PPARGC1A: variants seen among roughly 807,000 people sequenced by gnomAD.
PPARGC1A encodes peroxisome proliferator-activated receptor gamma coactivator 1-alpha.
In PPARGC1A, 25 loss-of-function variants were observed where a neutral mutation model predicts 88.7. That is an observed-to-expected ratio of 0.28 (90% CI 0.21 to 0.39). PPARGC1A has a LOEUF of 0.39. PPARGC1A is among the 10% of genes least tolerant of loss of function. The pLI is 1.00. For synonymous variants in PPARGC1A, 363 were observed against 355.6 expected, an observed-to-expected ratio of 1.02 and a Z score of -0.24; for missense variants, 880 against 968.7, an observed-to-expected ratio of 0.91 and a Z score of 1.22.
At chr4:24,345,284 A>C in the PPARGC1A span, among the ~76,000 whole-genome samples, 3 of 150,422 alleles carry the variant, frequency 2.0e-5, no homozygotes, top group Admixed American at 6.6e-5. Context: ...TTTTTTTTGT[A>C]ATTCTGTGAA....
At chr4:23,841,137 A>T (rs888272585) in intron 2 of PPARGC1A, among the ~76,000 whole-genome samples, 11 of 152,160 alleles carry the variant, frequency 7.2e-5, no homozygotes, top group Admixed American at 5.2e-4. Flanking sequence ...GGGACACATC[A>T]TCAAGCAATC....
At chr4:23,948,745 T>A in the PPARGC1A span, among the ~76,000 whole-genome samples, 1 of 152,198 alleles carries the variant, frequency 6.6e-6, no homozygotes, top group Admixed American at 6.5e-5. Context: ...TGTCCCATTT[T>A]TATGATAAAT....
the PPARGC1A span, among the ~76,000 whole-genome samples, chr4:24,122,263 G>A: frequency 6.6e-6 from 1 of 151,894 alleles, no homozygotes; most frequent in Admixed American, 6.6e-5. Context: ...CCTTTGTTCT[G>A]GGCCAGGAAG....
At chr4:24,099,496 C>T in the PPARGC1A span, among the ~76,000 whole-genome samples, 2 of 152,134 alleles carry the variant, frequency 1.3e-5, no homozygotes, top group Admixed American at 6.5e-5. Context: ...GCAAGGAGCA[C>T]GGATGGGATG....
At chr4:24,138,807 A>G in the PPARGC1A span, among the ~76,000 whole-genome samples, 1 of 152,182 alleles carries the variant, frequency 6.6e-6, no homozygotes, top group Non-Finnish European at 1.5e-5. Flanking sequence ...GAATGTAAAG[A>G]TCCTAGTGTG....
the PPARGC1A span, among the ~76,000 whole-genome samples, chr4:24,232,558 C>T: frequency 2.0e-5 from 3 of 152,202 alleles, no homozygotes; most frequent in Non-Finnish European, 4.4e-5. Flanking sequence ...TCATAAATGG[C>T]ATCTAAAAAT....
the PPARGC1A span, among the ~76,000 whole-genome samples, chr4:23,921,635 C>T: frequency 3.9e-5 from 6 of 152,124 alleles, no homozygotes; most frequent in Non-Finnish European, 7.3e-5. Flanking sequence ...GAGGGGTTAA[C>T]GAGACAAGCG....
chr4:24,186,175 G>A, the PPARGC1A span, among the ~76,000 whole-genome samples: 2 of 152,084 alleles, frequency 1.3e-5, no homozygotes, highest in African/African-American at 4.8e-5. Context: ...GTGGGCAAAA[G>A]AAGAGGGCAG....
At chr4:24,142,401 G>A in the PPARGC1A span, among the ~76,000 whole-genome samples, 5 of 152,092 alleles carry the variant, frequency 3.3e-5, no homozygotes, top group African/African-American at 9.7e-5. Flanking sequence ...GGCTGGGTGC[G>A]GTGGCTCATG....
chr4:24,185,416 A>G, the PPARGC1A span, among the ~76,000 whole-genome samples: 1 of 152,226 alleles, frequency 6.6e-6, no homozygotes, highest in Non-Finnish European at 1.5e-5. Flanking sequence ...AAAGAAAAAG[A>G]TAAGATGAGC....
chr4:24,338,713 T>C, the PPARGC1A span, among the ~76,000 whole-genome samples: 26,639 of 151,960 alleles, frequency 0.18, 2,463 homozygotes, highest in Non-Finnish European at 0.2. Flanking sequence ...CATGAAGTTA[T>C]AGGGACTGAA....
the PPARGC1A span, among the ~76,000 whole-genome samples, chr4:24,229,152 C>CTTTTTTT: frequency 9.7e-4 from 59 of 60,916 alleles, 13 homozygotes; most frequent in Non-Finnish European, 1.3e-3. Context: ...GTATCTGGAC[C>CTTTTTTT]TTTTTTTTTT....
At chr4:24,155,117 G>GTT in the PPARGC1A span, among the ~76,000 whole-genome samples, 1,837 of 143,448 alleles carry the variant, frequency 0.013, 48 homozygotes, top group African/African-American at 0.051. Flanking sequence ...TCGAACCTCG[G>GTT]TTTTGTTTTT....
intron 2 of PPARGC1A, among the ~76,000 whole-genome samples, chr4:23,855,661 C>A (rs889191499): frequency 2.6e-5 from 4 of 152,154 alleles, no homozygotes; most frequent in Non-Finnish European, 5.9e-5. Flanking sequence ...TTAGTGACAA[C>A]CACAGCCCAG....
chr4:24,298,011 TAC>T, the PPARGC1A span, among the ~76,000 whole-genome samples: 10 of 152,210 alleles, frequency 6.6e-5, no homozygotes, highest in South Asian at 1.7e-3. Context: ...CCATAGTAGC[TAC>T]AGAGATGGAG....
chr4:24,138,100 C>A, the PPARGC1A span, among the ~76,000 whole-genome samples: 1 of 152,190 alleles, frequency 6.6e-6, no homozygotes, highest in South Asian at 2.1e-4. Context: ...ACTGCCCACA[C>A]CCCTGGTCTG....
the PPARGC1A span, among the ~76,000 whole-genome samples, chr4:24,471,491 A>G: frequency 6.6e-6 from 1 of 152,132 alleles, no homozygotes; most frequent in African/African-American, 2.4e-5. This position sits in a 1 kb window ranked among gnomAD's most constrained non-coding sequence, Gnocchi z 5.4. Context: ...CAGTTATTTA[A>G]TTAAAAGGCA....
chr4:24,037,206 C>T, the PPARGC1A span, among the ~76,000 whole-genome samples: 2 of 152,198 alleles, frequency 1.3e-5, no homozygotes, highest in Non-Finnish European at 2.9e-5. Flanking sequence ...TATTACCTAA[C>T]ATCCAGAGTT....
At chr4:23,813,154 C>G in intron 8 of PPARGC1A, 29 bp from the exon 9 acceptor site, 1 of 1,595,710 alleles carries the variant, frequency 6.3e-7, no homozygotes, top group Non-Finnish European at 8.6e-7. Context: ...GCAAAAAGGG[C>G]ATTTGCAACT....
Sources: allele counts gnomAD v4.1 joint callset (sites outside exome capture counted in the v4.1 genomes callset), GRCh38; gene constraint gnomAD v4.1.1; non-coding constraint Gnocchi (gnomAD v3.1); transcripts MANE v1.5; gene names NCBI Gene and HGNC (gene_info 2026-07-23, HGNC 2026-07-21).